The following GPATCH3 variants were observed in gnomAD, a reference collection of about 807,000 sequenced individuals.
GPATCH3 encodes the protein G patch domain-containing protein 3.
GPATCH3 carries 45 observed loss-of-function variants against 53.2 expected under a neutral mutation model. The observed-to-expected ratio is 0.85, with a 90% CI of 0.67 to 1.08. GPATCH3 has a LOEUF of 1.08. Ranked by LOEUF, GPATCH3 falls within the 50% of genes least tolerant of loss-of-function variation. The pLI, the probability that GPATCH3 is intolerant of heterozygous loss-of-function variation, is 0.00. For missense variants in GPATCH3, 680 were observed against 687.2 expected (o/e 0.99, Z 0.12); for synonymous variants, 280 against 270.6 (o/e 1.03, Z -0.34).
At position 26,897,585 on chromosome 1, in the gene GPATCH3, G is replaced by T. The variant is rs536254101; in HGVS notation, c.592C>A (p.Pro198Thr). 1.2e-6 allele frequency: 2 copies of T among 1,614,224 alleles called. No individual in the cohort carries two copies. Among genetic ancestry groups the T allele is most frequent in the Admixed American group, 3.3e-5 (2 of 60,016 alleles). Residue 198 changes from proline to threonine, a missense_variant, in exon 2 of 7, where the codon CCC (proline) becomes ACC (threonine). Coordinates refer to ENST00000361720, the MANE Select transcript of GPATCH3 (RefSeq NM_022078.3). ...VLMPRGNVGTPLRVFLELIRA... is the reference protein window; with the variant it reads ...VLMPRGNVGTTLRVFLELIRA... ...ATCAACTCCAAAAAGACCCGCAGGGGAGTCCCCACATTCCCTCTGGGCATC... is the reference window on the plus strand; with the variant it reads ...ATCAACTCCAAAAAGACCCGCAGGGTAGTCCCCACATTCCCTCTGGGCATC...
In GPATCH3 at chr1:26,892,416, T is replaced by A; in HGVS notation, c.1356A>T (p.Gly452=). 6.2e-7 allele frequency: 1 copy of A among 1,612,364 alleles called. No homozygotes were observed. Among genetic ancestry groups the A allele is most frequent in the Non-Finnish European group, 8.5e-7 (1 of 1,179,172 alleles). Residue 452 remains glycine (G), a synonymous_variant, in exon 6 of 7, where the codon GGA becomes GGT. Transcript: ENST00000361720. ...SDGQHPRCKR[G]LGYHGEKLQP... is the part of the protein sequence containing the mutation. ...AGTCCCTCAGTCACACTTACCCCAA[T>A]CCACGCTTGCATCTGGGGTGTTGGC...
chr1:26,896,743 C>G (rs1458263976), intron 2 of GPATCH3, among the ~76,000 whole-genome samples: 1 of 150,520 alleles, frequency 6.6e-6, no homozygotes, highest in Non-Finnish European at 1.5e-5. Flanking sequence ...ACCATCCTGG[C>G]CAGGCGCAGT....
chr1:26,894,624 G>A (rs1293005599), intron 2 of GPATCH3, among the ~76,000 whole-genome samples: 3 of 152,066 alleles, frequency 2.0e-5, no homozygotes, highest in Non-Finnish European at 2.9e-5. Flanking sequence ...ACTCACCTCT[G>A]CGCGTTTGGC....
Position 26,892,702 on chromosome 1 carries a change from G to A in GPATCH3, c.1201C>T (p.Arg401Cys), listed in dbSNP as rs199645360. The A allele has an allele frequency of 2.8e-5, 46 of 1,614,220 alleles. No homozygotes were observed. The highest frequency in any genetic ancestry group is 1.3e-4 in the African/African-American group (10 of 75,050). ...TGGCGCTCAAAGGTGCCCACCTGGCGTTCGATCACAGAGCCATCTTCCTGT... is the reference window on the plus strand; with the variant it reads ...TGGCGCTCAAAGGTGCCCACCTGGCATTCGATCACAGAGCCATCTTCCTGT... The part of the protein sequence containing the change: ...DGQEDGSVIE[R>C]QVGTFERHTK... Residue 401 changes from arginine to cysteine, a missense_variant, in exon 5 of 7, where the codon CGC (arginine) becomes TGC (cysteine). Arg to Cys is a radical substitution (Grantham distance 180, BLOSUM62 -3). Coordinates refer to ENST00000361720, the MANE Select transcript of GPATCH3 (RefSeq NM_022078.3).
intron 2 of GPATCH3, among the ~76,000 whole-genome samples, chr1:26,895,522 TAAA>T (rs763002456): frequency 2.4e-5 from 2 of 84,462 alleles, no homozygotes; most frequent in Non-Finnish European, 2.3e-5. Context: ...AGAGCCTGCT[TAAA>T]AAAAAAAAAA....
intron 2 of GPATCH3, among the ~76,000 whole-genome samples, chr1:26,895,643 C>CTT (rs201034541): frequency 1.4e-5 from 2 of 140,580 alleles, no homozygotes; most frequent in Admixed American, 7.1e-5. Context: ...TGGCTGGGAG[C>CTT]TTTTTTTTTT....
chr1:26,896,076 T>C (rs1269664781), intron 2 of GPATCH3, among the ~76,000 whole-genome samples: 1 of 152,222 alleles, frequency 6.6e-6, no homozygotes, highest in African/African-American at 2.4e-5. Context: ...TCTATGTCAC[T>C]AATGAAGTGA....
chr1:26,899,891 T>TAA, intron 1 of GPATCH3, 101 bp downstream of exon 1: 1 of 1,037,782 alleles, frequency 9.6e-7, no homozygotes, highest in Admixed American at 2.4e-5. Flanking sequence ...ACTAAACTCA[T>TAA]AGAGTCCTAA....
At chr1:26,891,373 T>C (rs762326945) in intron 6 of GPATCH3, 147 bp from the exon 7 acceptor site, 1 of 639,986 alleles carries the variant, frequency 1.6e-6, no homozygotes, top group Non-Finnish European at 2.7e-6. Flanking sequence ...AGCCCTCTTA[T>C]CTATCCATTG....
rs746846363 is a variant in GPATCH3, at chr1:26,891,075, G to A, written c.1513C>T (p.Arg505Trp). The change falls in exon 7 of 7, where the codon CGG (arginine) becomes TGG (tryptophan). Residue 505 changes from arginine (R) to tryptophan (W), a missense_variant. Coordinates refer to ENST00000361720, the MANE Select transcript of GPATCH3 (RefSeq NM_022078.3). Reference protein sequence around the residue: ...RRQPPTSMKFRTDMAFVRGSS... With the variant: ...RRQPPTSMKFWTDMAFVRGSS... Reference sequence around the variant, plus strand: ...CCCCTCACAAAGGCCATGTCTGTCCGAAACTTCATGCTGGTGGGTGGCTGG... The same window carrying A: ...CCCCTCACAAAGGCCATGTCTGTCCAAAACTTCATGCTGGTGGGTGGCTGG... 6.2e-7 allele frequency: 1 copy of A among 1,614,138 alleles called. No homozygotes were observed. The highest frequency in any genetic ancestry group is 1.3e-5 in the African/African-American group (1 of 75,030).
chr1:26,900,462 A>C lies in GPATCH3; in HGVS notation c.-20T>G. On this transcript the variant is annotated 5_prime_UTR_variant, in exon 1 of 7. Transcript: ENST00000361720. Reference sequence around the variant, plus strand: ...CGCCATCTTGGATTGTCACATGATCAGCTAGAACCAAGTCTCGCGAGAACA... The same window carrying C: ...CGCCATCTTGGATTGTCACATGATCCGCTAGAACCAAGTCTCGCGAGAACA... 1 of 1,591,454 alleles carries C rather than the reference A, an allele frequency of 6.3e-7. No individual in the cohort carries two copies. The highest frequency in any genetic ancestry group is 8.6e-7 in the Non-Finnish European group (1 of 1,165,598).
chr1:26,895,870 T>C (rs1052552782), intron 2 of GPATCH3, among the ~76,000 whole-genome samples: 3 of 152,116 alleles, frequency 2.0e-5, no homozygotes, highest in African/African-American at 2.4e-5. Context: ...CCTCAAATGA[T>C]CCACCCATCT....
chr1:26,899,912 G>A, intron 1 of GPATCH3, 80 bp downstream of exon 1: 1 of 1,332,072 alleles, frequency 7.5e-7, no homozygotes, highest in Non-Finnish European at 1.1e-6. Context: ...CCAGAGGCCT[G>A]ACTTATCCTC....
rs763081460 is a variant in GPATCH3 at position 26,900,160 on chromosome 1, T to A, written c.283A>T (p.Thr95Ser). 1 of 1,612,512 alleles carries A rather than the reference T, an allele frequency of 6.2e-7. No individual in the cohort carries two copies. Among genetic ancestry groups the A allele is most frequent in the South Asian group, 1.1e-5 (1 of 90,962 alleles). ...CAGCAGGTGCGGGTCTGGATTGGAGTAGAGTCTCGAGTGGAGAGAGGCCGG... is the reference window on the plus strand; with the variant it reads ...CAGCAGGTGCGGGTCTGGATTGGAGAAGAGTCTCGAGTGGAGAGAGGCCGG... The part of the protein sequence containing the change: ...DVRPLSTRDS[T>S]PIQTRTCCCV... Residue 95 changes from threonine (T) to serine (S), a missense_variant, in exon 1 of 7, where the codon ACT (threonine) becomes TCT (serine). Coordinates refer to ENST00000361720, the MANE Select transcript of GPATCH3 (RefSeq NM_022078.3).
chr1:26,891,248 G>A, intron 6 of GPATCH3, 22 bp from the exon 7 acceptor site: 4 of 1,585,150 alleles, frequency 2.5e-6, no homozygotes, highest in Non-Finnish European at 3.5e-6. Context: ...CGGGCTCTCA[G>A]TGAGAAGGCT....
chr1:26,890,996 A>G lies in GPATCH3; in HGVS notation c.*14T>C, dbSNP rs1375520345. 1 of 1,610,792 alleles carries G rather than the reference A, an allele frequency of 6.2e-7. No homozygotes were observed. The highest frequency in any genetic ancestry group is 1.3e-5 in the African/African-American group (1 of 74,870). On this transcript the variant is annotated 3_prime_UTR_variant, in exon 7 of 7. Transcript: ENST00000361720. ...TTTTCATCATGTAGCTATGAAAGGA[A>G]GCCCCCAACCCGGTCAGTCAGGCAA...
chr1:26,893,477 G>T, intron 3 of GPATCH3, 29 bp from the exon 4 acceptor site: 3 of 1,396,898 alleles, frequency 2.1e-6, no homozygotes, highest in Non-Finnish European at 3.0e-6. Flanking sequence ...ATCCAACAGA[G>T]TACATTAAGG....
rs921749071 is a variant in GPATCH3 at position 26,896,314 on chromosome 1, AT to A, written c.876+986del. Among the ~76,000 whole-genome samples the A allele has an allele frequency of 5.5e-3, 801 of 144,536 alleles. 5 individuals are homozygous for A. Among genetic ancestry groups the A allele is most frequent in the African/African-American group, 0.015 (576 of 39,602 alleles). The allele number at this position is 144,536 out of a possible 152,430, so 94.8% of individuals were successfully genotyped here. A position where few individuals can be genotyped will look rare whatever the true frequency, so the allele number is the denominator to read the frequency against. On this transcript the variant is annotated intron_variant, in intron 2 of 6. Coordinates refer to ENST00000361720, the MANE Select transcript of GPATCH3 (RefSeq NM_022078.3). ...CTCCTTATCTGGTCTTTCATGTGGA[AT>A]TTTTTTTTTTTTTCTCAGCTCACTG...
chr1:26,898,089 T>C (rs1314393188), intron 1 of GPATCH3, among the ~76,000 whole-genome samples: 1 of 152,074 alleles, frequency 6.6e-6, no homozygotes, highest in African/African-American at 2.4e-5. Context: ...TGAGCCAAGA[T>C]TGCACCACTG....
Sources: allele counts gnomAD v4.1 joint callset (sites outside exome capture counted in the v4.1 genomes callset), GRCh38; gene constraint gnomAD v4.1.1; transcripts MANE v1.5; gene names NCBI Gene and HGNC (gene_info 2026-07-23, HGNC 2026-07-21).